Variants in UGT1A3 observed in about 807,000 individuals in gnomAD.
UGT1A3 encodes the protein UDP glucuronosyltransferase family 1 member A3.
Under a neutral mutation model 41.0 loss-of-function variants are expected in UGT1A3, and 31 were observed. The ratio of observed to expected loss-of-function variants is 0.76; its 90% CI spans 0.57 to 1.02. The LOEUF (loss-of-function observed/expected upper bound fraction) is 1.02, where lower values mean the gene tolerates loss of function less well. UGT1A3 is among the 50% of genes least tolerant of loss of function. UGT1A3 has a pLI of 0.00. For synonymous variants in UGT1A3, 262 were observed against 257.6 expected, an observed-to-expected ratio of 1.02 and a Z score of -0.17; for missense variants, 737 against 671.0, an observed-to-expected ratio of 1.10 and a Z score of -1.09.
chr2:233,762,498 T>G (rs1698092271), intron 1 of UGT1A3, among the ~76,000 whole-genome samples: 1 of 152,236 alleles, frequency 6.6e-6, no homozygotes, highest in African/African-American at 2.4e-5. Flanking sequence ...TGCTATTACT[T>G]TTTAAACTAT....
At chr2:233,756,818 C>T (rs1022493170) in intron 1 of UGT1A3, among the ~76,000 whole-genome samples, 38 of 151,930 alleles carry the variant, frequency 2.5e-4, no homozygotes, top group Admixed American at 5.2e-4. Flanking sequence ...CACTCAATTC[C>T]AAGGGGAAAA....
At chr2:233,759,276 T>C (rs943055975) in intron 1 of UGT1A3, among the ~76,000 whole-genome samples, 1 of 152,134 alleles carries the variant, frequency 6.6e-6, no homozygotes, top group African/African-American at 2.4e-5. Context: ...TGCATTCTGA[T>C]TGGTTGATGA....
At chr2:233,743,853 C>G (rs759074098) in intron 1 of UGT1A3, 129 of 1,367,160 alleles carry the variant, frequency 9.4e-5, no homozygotes, top group Non-Finnish European at 1.2e-4. Context: ...TTGCGGTACG[C>G]CTTCTTGATG....
At chr2:233,741,532 A>C (rs1691693869) in intron 1 of UGT1A3, 1 of 151,938 alleles carries the variant, frequency 6.6e-6, no homozygotes, top group Non-Finnish European at 1.5e-5. Flanking sequence ...AGTCTGTCTT[A>C]TTCTGATACT....
chr2:233,744,894 A>G (rs1692956902), intron 1 of UGT1A3, among the ~76,000 whole-genome samples: 1 of 151,908 alleles, frequency 6.6e-6, no homozygotes, highest in Non-Finnish European at 1.5e-5. Flanking sequence ...CCTCCTCTCC[A>G]TACCAAAATC....
chr2:233,749,957 G>T (rs1223169654), intron 1 of UGT1A3, among the ~76,000 whole-genome samples: 2 of 151,888 alleles, frequency 1.3e-5, no homozygotes, highest in African/African-American at 4.9e-5. Context: ...CGAGTCTTGG[G>T]TATGTCTTTA....
intron 1 of UGT1A3, among the ~76,000 whole-genome samples, chr2:233,736,037 C>T (rs2078722692): frequency 6.6e-6 from 1 of 152,038 alleles, no homozygotes; most frequent in African/African-American, 2.4e-5. Flanking sequence ...TCTGTATTTC[C>T]TGAATTTGAA....
In UGT1A3 at chr2:233,737,609, G is replaced by A. The variant is rs563155161; in HGVS notation, c.867+7616G>A. Among the ~76,000 whole-genome samples, 4 of 152,288 alleles carry A rather than the reference G, an allele frequency of 2.6e-5. No individual in the cohort carries two copies. In the East Asian group the frequency reaches 7.7e-4, roughly 29 times the overall value. On this transcript the variant is annotated intron_variant, in intron 1 of 4. Transcript: ENST00000482026. Reference sequence around the variant, plus strand: ...ATGAGATGAACCAGGTACCTCAGTTGGAAATGCAGAAATCATCCATCTTCT... The same window carrying A: ...ATGAGATGAACCAGGTACCTCAGTTAGAAATGCAGAAATCATCCATCTTCT...
Position 233,767,538 on chromosome 2 carries a change from C to A in UGT1A3, c.1000-311C>A, listed in dbSNP as rs1409490941. 5.3e-5 allele frequency among the ~76,000 whole-genome samples: 8 copies of A among 152,212 alleles called. No homozygotes were observed. The East Asian group carries it at 1.5e-3, about 29-fold the overall frequency. On this transcript the variant is annotated intron_variant, in intron 2 of 4. Transcript: ENST00000482026. ...ACTGAATTTATGTCTTACATTTCTGCTCTTATAGTTCTGCATCCACTTGTT... is the reference window on the plus strand; with the variant it reads ...ACTGAATTTATGTCTTACATTTCTGATCTTATAGTTCTGCATCCACTTGTT...
At chr2:233,743,750 A>G in intron 1 of UGT1A3, 1 of 1,367,324 alleles carries the variant, frequency 7.3e-7, no homozygotes, top group Non-Finnish European at 9.8e-7. Flanking sequence ...GGCGTCCGAC[A>G]ACACCTCGTA....
In UGT1A3 at chr2:233,755,043, C is replaced by G. The variant is rs780933124; in HGVS notation, c.868-11991C>G. ...CTTGAAGGGCCTGCCGCCTGCGCAGCCGCCCTCCGCCCTCGCCTCGCCATA... is the reference window on the plus strand; with the variant it reads ...CTTGAAGGGCCTGCCGCCTGCGCAGGCGCCCTCCGCCCTCGCCTCGCCATA... On this transcript the variant is annotated intron_variant, in intron 1 of 4. Transcript: ENST00000482026. The G allele has an allele frequency of 9.8e-6, 13 of 1,323,836 alleles. No homozygotes were observed. In the South Asian group the frequency reaches 1.4e-4, roughly 14 times the overall value. The allele number at this position is 1,323,836 out of a possible 1,614,324, so 82.0% of individuals were successfully genotyped here. A position where few individuals can be genotyped will look rare whatever the true frequency, so the allele number is the denominator to read the frequency against.
chr2:233,760,775 A>G, intron 1 of UGT1A3: 2 of 1,613,738 alleles, frequency 1.2e-6, no homozygotes, highest in Non-Finnish European at 1.7e-6. Context: ...GTGGCCCAGT[A>G]CCTGTCTCTG....
intron 1 of UGT1A3, chr2:233,747,103 T>G: frequency 7.3e-7 from 1 of 1,362,910 alleles, no homozygotes. Context: ...TATCTTCCAA[T>G]TACATGATGA....
rs921224887 is a variant in UGT1A3, at chr2:233,769,400, T to A, written c.1307+961T>A. ...TCCGACAATAGATACTGTGTGCATA[T>A]GTGCGTGTGCGTTTGTGCATGTGGC... On this transcript the variant is annotated intron_variant, in intron 4 of 4. Coordinates refer to ENST00000482026, the MANE Select transcript of UGT1A3 (RefSeq NM_019093.4). The surrounding 1 kb of genome is among the most constrained non-coding windows in gnomAD (Gnocchi z 4.4). 3.4e-6 allele frequency: 4 copies of A among 1,182,114 alleles called. No homozygotes were observed. Among genetic ancestry groups the A allele is most frequent in the Non-Finnish European group, 4.9e-6 (4 of 819,978 alleles). The allele number at this position is 1,182,114 out of a possible 1,614,324, so 73.2% of individuals were successfully genotyped here. A position where few individuals can be genotyped will look rare whatever the true frequency, so the allele number is the denominator to read the frequency against.
At chr2:233,751,274 C>T (rs1450927418) in intron 1 of UGT1A3, among the ~76,000 whole-genome samples, 1 of 151,812 alleles carries the variant, frequency 6.6e-6, no homozygotes, top group African/African-American at 2.4e-5. Flanking sequence ...CTTTTTTTGG[C>T]CAGTTTCTCC....
chr2:233,732,680 C>G (rs899691828), intron 1 of UGT1A3, among the ~76,000 whole-genome samples: 5 of 151,938 alleles, frequency 3.3e-5, no homozygotes, highest in South Asian at 2.1e-4. Flanking sequence ...TGTTTTGGTA[C>G]CAGCACCCAT....
intron 1 of UGT1A3, among the ~76,000 whole-genome samples, chr2:233,750,313 G>A (rs771839306): frequency 6.6e-6 from 1 of 151,862 alleles, no homozygotes; most frequent in Non-Finnish European, 1.5e-5. Context: ...AGAGATCTGT[G>A]GAACTTTGAA....
At chr2:233,760,983 C>G in intron 1 of UGT1A3, 2 of 1,614,178 alleles carry the variant, frequency 1.2e-6, no homozygotes, top group African/African-American at 1.3e-5. Context: ...CGTATGCAAC[C>G]CTTGCCTCAG....
intron 1 of UGT1A3, chr2:233,744,077 T>C: frequency 4.4e-6 from 2 of 457,126 alleles, no homozygotes; most frequent in Non-Finnish European, 7.3e-6. Flanking sequence ...GCGCCTCGCA[T>C]CCCAAGATGC....
Sources: allele counts gnomAD v4.1 joint callset (sites outside exome capture counted in the v4.1 genomes callset), GRCh38; gene constraint gnomAD v4.1.1; non-coding constraint Gnocchi (gnomAD v3.1); transcripts MANE v1.5; gene names NCBI Gene and HGNC (gene_info 2026-07-23, HGNC 2026-07-21).